The following AGBL4 variants were observed in gnomAD, a reference collection of about 807,000 sequenced individuals.
AGBL4 encodes AGBL carboxypeptidase 4.
In AGBL4, 58 loss-of-function variants were observed where a neutral mutation model predicts 66.4. The ratio of observed to expected loss-of-function variants is 0.87; its 90% CI spans 0.71 to 1.09. The LOEUF (loss-of-function observed/expected upper bound fraction) is 1.09. AGBL4 is among the 50% of genes least tolerant of loss of function. The pLI is 0.00. For missense variants in AGBL4, 579 were observed against 631.0 expected (o/e 0.92, Z 0.88); for synonymous variants, 234 against 222.9 (o/e 1.05, Z -0.44).
chr1:49,205,959 T>C (rs1298442034), intron 4 of AGBL4, among the ~76,000 whole-genome samples: 1 of 152,086 alleles, frequency 6.6e-6, no homozygotes, highest in Non-Finnish European at 1.5e-5. Context: ...GATTTAGCCA[T>C]GGAGCAAAGC....
At chr1:49,895,553 T>A (rs1022595570) in intron 1 of AGBL4, among the ~76,000 whole-genome samples, 3 of 151,970 alleles carry the variant, frequency 2.0e-5, no homozygotes, top group Non-Finnish European at 2.9e-5. Flanking sequence ...ATAGCTTTTT[T>A]AAAAATTAAA....
At chr1:48,871,102 G>A (rs1012972763) in intron 5 of AGBL4, among the ~76,000 whole-genome samples, 1 of 152,152 alleles carries the variant, frequency 6.6e-6, no homozygotes, top group Non-Finnish European at 1.5e-5. Flanking sequence ...TATAGAATTT[G>A]ACCAATAATG....
intron 1 of AGBL4, among the ~76,000 whole-genome samples, chr1:49,889,938 T>G (rs547030325): frequency 3.3e-5 from 5 of 152,282 alleles, no homozygotes; most frequent in African/African-American, 1.2e-4. Flanking sequence ...ATGTAGAAGC[T>G]CTCTCAGATT....
chr1:49,885,535 C>T (rs1169712060), intron 1 of AGBL4, among the ~76,000 whole-genome samples: 2 of 151,816 alleles, frequency 1.3e-5, no homozygotes, highest in Admixed American at 6.6e-5. Flanking sequence ...ATACACATAC[C>T]CTAATTCTCC....
chr1:49,425,536 T>G (rs554228158), intron 3 of AGBL4, among the ~76,000 whole-genome samples: 1 of 152,354 alleles, frequency 6.6e-6, no homozygotes, highest in Admixed American at 6.5e-5. Flanking sequence ...TTATTCTAGC[T>G]CAATACTAGC....
At chr1:48,560,987 T>C (rs566814983) in intron 11 of AGBL4, among the ~76,000 whole-genome samples, 4 of 152,352 alleles carry the variant, frequency 2.6e-5, no homozygotes, top group African/African-American at 7.2e-5. Context: ...GTCTAGTTTC[T>C]CCTCCATAGT....
chr1:49,991,827 G>A (rs1659964929), intron 1 of AGBL4, among the ~76,000 whole-genome samples: 1 of 151,844 alleles, frequency 6.6e-6, no homozygotes, highest in East Asian at 1.9e-4. Flanking sequence ...ACATTAAAGG[G>A]CTTTGGAGTC....
In AGBL4 at chr1:49,687,382, A is replaced by C. The variant is rs1434956124; in HGVS notation, c.282+9931T>G. Among the ~76,000 whole-genome samples the C allele has an allele frequency of 5.3e-5, 8 of 152,228 alleles. No individual in the cohort carries two copies. In the East Asian group the frequency reaches 1.5e-3, roughly 29 times the overall value. On this transcript the variant is annotated intron_variant, in intron 3 of 13. Coordinates refer to ENST00000371839, the MANE Select transcript of AGBL4 (RefSeq NM_032785.4). ...AAACAAATTTGATTTTGTCATTTGT[A>C]ATATGAACTTAATAATAGGAATAGT...
chr1:49,155,708 G>T (rs1379985181), intron 4 of AGBL4, among the ~76,000 whole-genome samples: 1 of 152,154 alleles, frequency 6.6e-6, no homozygotes, highest in Non-Finnish European at 1.5e-5. Flanking sequence ...ACAATAAACA[G>T]ATATCTAATA....
chr1:49,715,106 T>A (rs938054881), intron 2 of AGBL4, among the ~76,000 whole-genome samples: 3 of 152,120 alleles, frequency 2.0e-5, no homozygotes, highest in Non-Finnish European at 4.4e-5. Flanking sequence ...CCTAATGCTA[T>A]CCCTCCCCTA....
intron 10 of AGBL4, among the ~76,000 whole-genome samples, chr1:48,588,856 A>AGAAGAGAAGAGAAGAGAAGGGAAGG (rs1422934499): frequency 7.0e-6 from 1 of 143,084 alleles, no homozygotes; most frequent in Non-Finnish European, 1.5e-5. Context: ...AGAAGAGAAG[A>AGAAGAGAAGAGAAGAGAAGGGAAGG]GAAGGGAAGA....
intron 3 of AGBL4, among the ~76,000 whole-genome samples, chr1:49,481,875 G>A (rs1363529295): frequency 3.3e-5 from 5 of 151,424 alleles, no homozygotes; most frequent in African/African-American, 1.2e-4. Context: ...TGCATCTATT[G>A]AGATACTTAT....
intron 1 of AGBL4, among the ~76,000 whole-genome samples, chr1:49,930,932 A>G (rs1653284473): frequency 6.6e-6 from 1 of 152,180 alleles, no homozygotes; most frequent in Non-Finnish European, 1.5e-5. Flanking sequence ...AAAATTTAAA[A>G]GCATCCTGAT....
intron 4 of AGBL4, among the ~76,000 whole-genome samples, chr1:49,096,203 A>G (rs1238035712): frequency 4.0e-5 from 6 of 151,778 alleles, no homozygotes; most frequent in Admixed American, 2.0e-4. Context: ...GTGCTGGAGA[A>G]GATGTGGAGA....
chr1:49,950,000 AT>A (rs1655938628), intron 1 of AGBL4, among the ~76,000 whole-genome samples: 2 of 88,320 alleles, frequency 2.3e-5, no homozygotes, highest in Non-Finnish European at 4.9e-5. Context: ...ATATATGTGT[AT>A]ATATATATAC....
rs374057460 is a variant in AGBL4 at position 49,742,280 on chromosome 1, A to G, written c.158-44843T>C. Reference sequence around the variant, plus strand: ...TAACAGACAAACAGAGAGCCAAATCATGAGTGAACTCCCATTCACAATTGC... The same window carrying G: ...TAACAGACAAACAGAGAGCCAAATCGTGAGTGAACTCCCATTCACAATTGC... On this transcript the variant is annotated intron_variant, in intron 2 of 13. Coordinates refer to ENST00000371839, the MANE Select transcript of AGBL4 (RefSeq NM_032785.4). Among the ~76,000 whole-genome samples the G allele has an allele frequency of 3.2e-4, 48 of 151,316 alleles. 1 individual carries two copies. In the South Asian group the frequency reaches 9.2e-3, roughly 29 times the overall value.
intron 3 of AGBL4, among the ~76,000 whole-genome samples, chr1:49,575,650 C>CT (rs1186127824): frequency 6.6e-6 from 1 of 152,222 alleles, no homozygotes; most frequent in Non-Finnish European, 1.5e-5. Flanking sequence ...AGTGGCGACT[C>CT]CAATTGCAGC....
chr1:49,546,371 TATATATAC>T (rs980963886), intron 3 of AGBL4, among the ~76,000 whole-genome samples: 5 of 151,416 alleles, frequency 3.3e-5, no homozygotes, highest in African/African-American at 1.2e-4. Flanking sequence ...TCCATCATTA[TATATATAC>T]ATATATACCA....
At position 49,406,058 on chromosome 1, in the gene AGBL4, C is replaced by A. The variant is rs1052744677; in HGVS notation, c.283-160194G>T. Among the ~76,000 whole-genome samples the A allele has an allele frequency of 2.6e-5, 4 of 152,214 alleles. No homozygotes were observed. In the South Asian group the frequency reaches 8.3e-4, roughly 31 times the overall value. ...TGCTGCCCAAACAATCTTAACATAG[C>A]AGCAATGTATTCCCTAAAACGGGTC... On this transcript the variant is annotated intron_variant, in intron 3 of 13. Transcript: ENST00000371839.
Sources: allele counts gnomAD v4.1 joint callset (sites outside exome capture counted in the v4.1 genomes callset), GRCh38; gene constraint gnomAD v4.1.1; transcripts MANE v1.5; gene names NCBI Gene and HGNC (gene_info 2026-07-23, HGNC 2026-07-21).